The following UPK1B variants were observed in gnomAD, a reference collection of about 807,000 sequenced individuals.
UPK1B encodes the protein uroplakin 1B.
A neutral mutation model predicts 34.2 loss-of-function variants in UPK1B; 28 were observed. The observed-to-expected ratio is 0.82, with a 90% CI of 0.61 to 1.12. UPK1B has a LOEUF of 1.12. Among genes scored for constraint, UPK1B ranks in the 50% most tolerant of loss-of-function variants. UPK1B has a pLI of 0.00. For missense variants in UPK1B, 325 were observed against 320.9 expected (o/e 1.01, Z -0.10); for synonymous variants, 81 against 110.4 (o/e 0.73, Z 1.67).
chr3:119,202,310 C>T (rs1306608621), intron 7 of UPK1B, among the ~76,000 whole-genome samples: 5 of 152,150 alleles, frequency 3.3e-5, no homozygotes, highest in Non-Finnish European at 7.3e-5. Flanking sequence ...ACTAGATAAG[C>T]TCTGAAGCTG....
chr3:119,187,725 C>G (rs779566570), intron 2 of UPK1B, 50 bp from the exon 3 acceptor site: 2 of 1,591,070 alleles, frequency 1.3e-6, no homozygotes, highest in Admixed American at 1.7e-5. Context: ...CCTCCACCCC[C>G]TTTCCCAAAG....
chr3:119,177,318 A>C (rs1184167568), intron 1 of UPK1B, among the ~76,000 whole-genome samples: 1 of 152,230 alleles, frequency 6.6e-6, no homozygotes, highest in Non-Finnish European at 1.5e-5. Context: ...TAATTTAAAA[A>C]GACGTAAAGG....
chr3:119,199,261 C>A, intron 7 of UPK1B, 121 bp downstream of exon 7: 1 of 1,137,188 alleles, frequency 8.8e-7, no homozygotes, highest in Non-Finnish European at 1.2e-6. Context: ...GGCCTGAAGG[C>A]TAGTCAGGAA....
chr3:119,179,849 AG>A (rs2077981301), intron 1 of UPK1B, among the ~76,000 whole-genome samples: 1 of 86,150 alleles, frequency 1.2e-5, no homozygotes, highest in Non-Finnish European at 2.1e-5. Context: ...TTTTGAGACG[AG>A]TGCAATGGCG....
chr3:119,185,511 C>T (rs1576868045), intron 1 of UPK1B, among the ~76,000 whole-genome samples: 1 of 151,712 alleles, frequency 6.6e-6, no homozygotes, highest in East Asian at 1.9e-4. Flanking sequence ...CACCTCTACT[C>T]TACATATCAA....
At chr3:119,179,677 C>T (rs370060832) in intron 1 of UPK1B, among the ~76,000 whole-genome samples, 98,788 of 147,240 alleles carry the variant, frequency 0.67, 34,043 homozygotes, top group East Asian at 0.84. Flanking sequence ...GCCCGGCTAA[C>T]TTTGTATTTT....
chr3:119,203,679 G>C (rs1001692431), intron 7 of UPK1B, among the ~76,000 whole-genome samples: 5 of 152,166 alleles, frequency 3.3e-5, no homozygotes, highest in African/African-American at 1.2e-4. Flanking sequence ...AGGGAACTTA[G>C]AGGATGGGTC....
At chr3:119,175,105 G>A (rs573223151) in intron 1 of UPK1B, among the ~76,000 whole-genome samples, 1 of 125,576 alleles carries the variant, frequency 8.0e-6, no homozygotes, top group East Asian at 2.6e-4. Context: ...TCTGCTCACT[G>A]CAAGCTCTGC....
chr3:119,185,045 C>A (rs748121346), intron 1 of UPK1B, among the ~76,000 whole-genome samples: 55 of 152,308 alleles, frequency 3.6e-4, no homozygotes, highest in Non-Finnish European at 7.5e-4. Context: ...GCAACAATAA[C>A]TGGAAAGAAT....
intron 6 of UPK1B, among the ~76,000 whole-genome samples, chr3:119,196,572 A>G (rs1203483659): frequency 1.8e-5 from 2 of 114,016 alleles, no homozygotes; most frequent in African/African-American, 3.7e-5. Flanking sequence ...AGCCTGTCTC[A>G]CTCTGTCGCC....
At chr3:119,176,347 GT>G (rs1372214209) in intron 1 of UPK1B, among the ~76,000 whole-genome samples, 1 of 152,114 alleles carries the variant, frequency 6.6e-6, no homozygotes, top group African/African-American at 2.4e-5. Flanking sequence ...TTGCAAATTG[GT>G]TTGTTTAGTG....
intron 2 of UPK1B, 32 bp downstream of exon 2, chr3:119,186,842 C>A: frequency 6.3e-7 from 1 of 1,595,762 alleles, no homozygotes; most frequent in Non-Finnish European, 8.6e-7. Flanking sequence ...GGAAATTCTG[C>A]ACTTCCTGTA....
intron 1 of UPK1B, among the ~76,000 whole-genome samples, chr3:119,182,526 G>A (rs2077994020): frequency 6.6e-6 from 1 of 152,162 alleles, no homozygotes; most frequent in South Asian, 2.1e-4. Context: ...ACAAGTTATT[G>A]TCTACTAATT....
intron 7 of UPK1B, among the ~76,000 whole-genome samples, chr3:119,202,717 C>G (rs905274117): frequency 6.6e-6 from 1 of 152,134 alleles, no homozygotes; most frequent in Non-Finnish European, 1.5e-5. Flanking sequence ...TCTTCAGAGG[C>G]AGCCATTCCA....
At chr3:119,186,192 C>A (rs538742771) in intron 1 of UPK1B, among the ~76,000 whole-genome samples, 16 of 152,360 alleles carry the variant, frequency 1.1e-4, no homozygotes, top group African/African-American at 3.6e-4. Context: ...CACTTACCCT[C>A]ATATACAACG....
intron 1 of UPK1B, among the ~76,000 whole-genome samples, chr3:119,175,083 A>C (rs981058016): frequency 8.5e-6 from 1 of 118,196 alleles, no homozygotes; most frequent in African/African-American, 3.3e-5. Flanking sequence ...GCTGGAGTGC[A>C]GTGGCGTGAT....
chr3:119,178,881 A>G (rs1448087193), intron 1 of UPK1B, among the ~76,000 whole-genome samples: 3 of 152,220 alleles, frequency 2.0e-5, no homozygotes, highest in Non-Finnish European at 2.9e-5. Context: ...TGTTTAATTC[A>G]TCTGATCCAG....
rs185816515 is a variant in UPK1B, at chr3:119,200,156, T to C, written c.732+1016T>C. ...TCATATAGACATGTAATTAAAAAAA[T>C]AGTGCTTTAATAATATTCACCCAGT... On this transcript the variant is annotated intron_variant, in intron 7 of 7. Coordinates refer to ENST00000264234, the MANE Select transcript of UPK1B (RefSeq NM_006952.4). Among the ~76,000 whole-genome samples, 60 of 152,288 alleles carry C rather than the reference T, an allele frequency of 3.9e-4. 1 individual carries two copies. Among genetic ancestry groups the C allele is most frequent in the Admixed American group, 2.6e-3 (40 of 15,296 alleles).
chr3:119,196,568 TCTCA>T (rs199524156), intron 6 of UPK1B, among the ~76,000 whole-genome samples: 7,371 of 145,390 alleles, frequency 0.051, 260 homozygotes, highest in South Asian at 0.11. Context: ...ATGGAGCCTG[TCTCA>T]CTCTGTCGCC....
Sources: gnomAD v4.1 joint callset for allele counts (sites outside exome capture counted in the v4.1 genomes callset) on GRCh38, gnomAD v4.1.1 for gene constraint, MANE v1.5 for transcripts, NCBI Gene and HGNC (gene_info 2026-07-23, HGNC 2026-07-21) for gene names.